Variants in NCAPH2 observed in about 807,000 individuals in gnomAD.
NCAPH2 encodes condensin-2 complex subunit H2.
Under a neutral mutation model 88.6 loss-of-function variants are expected in NCAPH2, and 56 were observed. The observed-to-expected ratio is 0.63, with a 90% CI of 0.51 to 0.79. NCAPH2 has a LOEUF of 0.79. Ranked by LOEUF, NCAPH2 falls within the 30% of genes least tolerant of loss-of-function variation. The probability of loss-of-function intolerance (pLI) is 0.00; values close to 1 mark genes in which losing one functional copy is unlikely to be tolerated. For synonymous variants in NCAPH2, 378 were observed against 313.6 expected, an observed-to-expected ratio of 1.21 and a Z score of -2.17; for missense variants, 794 against 792.0, an observed-to-expected ratio of 1.00 and a Z score of -0.03.
In NCAPH2 at chr22:50,508,518, G is replaced by A. The variant is rs965230234; in HGVS notation, c.108+73G>A. On this transcript the variant is annotated intron_variant, in intron 1 of 19. Transcript: ENST00000420993. ...GCGGGGCGGGGGCTCCGGGCCCGGG[G>A]CTGTGGGCGCCCCACCGTCTCCACG... 8 of 940,886 alleles carry A rather than the reference G, an allele frequency of 8.5e-6. 1 individual carries two copies. In the South Asian group the frequency reaches 1.6e-4, roughly 19 times the overall value. 58.3% of individuals were successfully genotyped at this position (940,886 alleles called of 1,614,324 possible). A position where few individuals can be genotyped will look rare whatever the true frequency, so the allele number is the denominator to read the frequency against.
intron 1 of NCAPH2, among the ~76,000 whole-genome samples, chr22:50,510,534 TCTC>T (rs918504759): frequency 1.3e-5 from 2 of 150,150 alleles, no homozygotes; most frequent in African/African-American, 2.5e-5. Context: ...TTCAAGCAAT[TCTC>T]CTGCCTTGGC....
rs1347043099 is a variant in NCAPH2 at position 50,522,033 on chromosome 22, T to G, written c.1156T>G (p.Phe386Val). ...GCGGCTTCGGCGAAAGGGTCCGTCC[T>G]TTGCAGGTGAGGCTGAAGTCCTCGG... ...SRRLRRKGPS[F>V]ADMEVLYWTH... Residue 386 changes from phenylalanine (F) to valine (V), a missense_variant, in exon 13 of 20, where the codon TTT (phenylalanine) becomes GTT (valine). Transcript: ENST00000420993. 6.2e-7 allele frequency: 1 copy of G among 1,614,046 alleles called. No homozygotes were observed. Among genetic ancestry groups the G allele is most frequent in the South Asian group, 1.1e-5 (1 of 91,086 alleles).
In NCAPH2 at chr22:50,518,265, A is replaced by G. The variant is rs768006797; in HGVS notation, c.633A>G (p.Pro211=). ...AACCAGCGGGCGTTTCCCCCATGCC[A>G]GGGACCCAGAAGGGTGAGGGCTTGG... ...PMEPAGVSPM[P]GTQKDTGRTE... is the part of the protein sequence containing the mutation. Residue 211 remains proline, a synonymous_variant, in exon 7 of 20, where the codon CCA becomes CCG. Transcript: ENST00000420993. 5 of 1,612,952 alleles carry G rather than the reference A, an allele frequency of 3.1e-6. No homozygotes were observed. In the Admixed American group the frequency reaches 6.7e-5, roughly 22 times the overall value.
chr22:50,523,678 C>A lies in NCAPH2; in HGVS notation c.*303C>A. 1 of 1,614,140 alleles carries A rather than the reference C, an allele frequency of 6.2e-7. No individual in the cohort carries two copies. Among genetic ancestry groups the A allele is most frequent in the East Asian group, 2.2e-5 (1 of 44,886 alleles). ...ACTGTCTGAGATCTGCTCAGCCGAT[C>A]TGCTCCGGCCGTAGTAATCCGTGAA... is the stretch of plus-strand genomic sequence containing the variant. On this transcript the variant is annotated 3_prime_UTR_variant, in exon 20 of 20. Transcript: ENST00000420993.
At position 50,521,671 on chromosome 22, in the gene NCAPH2, TGGG is replaced by T. The variant is rs544694738; in HGVS notation, c.1001-65_1001-63del. On this transcript the variant is annotated intron_variant, in intron 11 of 19. Transcript: ENST00000420993. ...TGGCTGGGTTTCCTGGGGCATGAGG[TGGG>T]GGGGTGGGAGTGGGCTTTGCACCCT... The T allele has an allele frequency of 3.7e-5, 58 of 1,550,358 alleles. No individual in the cohort carries two copies. The East Asian group carries it at 8.8e-4, about 23-fold the overall frequency.
At position 50,508,247 on chromosome 22, in the gene NCAPH2, A is replaced by G; in HGVS notation, c.-91A>G. On this transcript the variant is annotated 5_prime_UTR_variant, in exon 1 of 20. Transcript: ENST00000420993. Reference sequence around the variant, plus strand: ...ACGCATTTTCCTGGGCGGGAACAGCAAAATGGCGCCAGAACTAGTGGCGGG... The same window carrying G: ...ACGCATTTTCCTGGGCGGGAACAGCGAAATGGCGCCAGAACTAGTGGCGGG... 1 of 1,005,050 alleles carries G rather than the reference A, an allele frequency of 9.9e-7. No homozygotes were observed. The highest frequency in any genetic ancestry group is 1.7e-5 in the African/African-American group (1 of 57,420). The allele number at this position is 1,005,050 out of a possible 1,614,324, so 62.3% of individuals were successfully genotyped here. A position where few individuals can be genotyped will look rare whatever the true frequency, so the allele number is the denominator to read the frequency against.
chr22:50,521,372 C>T (rs1044402093), intron 10 of NCAPH2, among the ~76,000 whole-genome samples, 171 bp from the exon 11 acceptor site: 7 of 141,204 alleles, frequency 5.0e-5, no homozygotes, highest in Non-Finnish European at 8.9e-5. Flanking sequence ...CTGTGAACCC[C>T]CTACTCCTCC....
intron 1 of NCAPH2, among the ~76,000 whole-genome samples, chr22:50,514,066 C>T (rs1426982511): frequency 3.3e-5 from 5 of 152,082 alleles, no homozygotes; most frequent in African/African-American, 1.2e-4. Flanking sequence ...GAGATTGCGC[C>T]CCTGCATTCC....
chr22:50,516,610 C>T, intron 2 of NCAPH2, 62 bp downstream of exon 2: 1 of 1,490,320 alleles, frequency 6.7e-7, no homozygotes, highest in Non-Finnish European at 9.3e-7. Context: ...AGTCGGCTCT[C>T]CTTCTGGGGC....
chr22:50,512,543 G>GT lies in NCAPH2; in HGVS notation c.109-3891dup, dbSNP rs139798817. 3.2e-3 allele frequency among the ~76,000 whole-genome samples: 430 copies of GT among 132,786 alleles called. 1 individual carries two copies. Among genetic ancestry groups the GT allele is most frequent in the South Asian group, 0.02 (84 of 4,152 alleles). 87.1% of individuals were successfully genotyped at this position (132,786 alleles called of 152,430 possible). ...GTTCTTTTTCTTTTTTTTGTCCTTT[G>GT]TTTTTTTTTTTTTGTTTTTTTTTTT... On this transcript the variant is annotated intron_variant, in intron 1 of 19. Coordinates refer to ENST00000420993, the MANE Select transcript of NCAPH2 (RefSeq NM_152299.4).
intron 1 of NCAPH2, among the ~76,000 whole-genome samples, chr22:50,510,819 C>T (rs983953751): frequency 6.6e-6 from 1 of 151,878 alleles, no homozygotes; most frequent in Non-Finnish European, 1.5e-5. Context: ...GCACCTTACA[C>T]ACTTTAGAAT....
chr22:50,519,091 G>A (rs3091397), intron 8 of NCAPH2, 99 bp from the exon 9 acceptor site: 949,192 of 1,209,032 alleles, frequency 0.79, 374,358 homozygotes, highest in East Asian at 0.96. Context: ...TCTGGGCTCC[G>A]TGACTAAAGC....
Position 50,521,416 on chromosome 22 carries a change from C to T in NCAPH2, c.934-127C>T, listed in dbSNP as rs184264534. On this transcript the variant is annotated intron_variant, in intron 10 of 19. Transcript: ENST00000420993. ...GGTGGCTGTGCACCCCCTACTCCTCCTTTGGGAGCGCGGCTGTGTACCCCC... is the reference window on the plus strand; with the variant it reads ...GGTGGCTGTGCACCCCCTACTCCTCTTTTGGGAGCGCGGCTGTGTACCCCC... The T allele has an allele frequency of 6.5e-3, 6,382 of 985,586 alleles. 37 individuals are homozygous for T. Among genetic ancestry groups the T allele is most frequent in the Non-Finnish European group, 8.8e-3 (5,582 of 632,910 alleles). 61.1% of individuals were successfully genotyped at this position (985,586 alleles called of 1,614,324 possible).
At chr22:50,517,373 CT>C in intron 2 of NCAPH2, 53 bp from the exon 3 acceptor site, 1 of 1,594,098 alleles carries the variant, frequency 6.3e-7, no homozygotes, top group Non-Finnish European at 8.6e-7. Context: ...CTGGGAAGGC[CT>C]TGGGGGTGGG....
intron 2 of NCAPH2, among the ~76,000 whole-genome samples, 192 bp downstream of exon 2, chr22:50,516,740 G>A (rs746143807): frequency 5.9e-5 from 9 of 152,212 alleles, no homozygotes; most frequent in Non-Finnish European, 1.3e-4. Context: ...GCCAGGCAGG[G>A]AGGGTCTTTT....
At position 50,518,207 on chromosome 22, in the gene NCAPH2, T is replaced by C; in HGVS notation, c.575T>C (p.Phe192Ser). The change falls in exon 7 of 20, where the codon TTC (phenylalanine) becomes TCC (serine). Residue 192 changes from phenylalanine to serine, a missense_variant. This residue lies in a region of NCAPH2 where 735 missense variants were observed against 696.3 expected (regional missense o/e 1.06). Coordinates refer to ENST00000420993, the MANE Select transcript of NCAPH2 (RefSeq NM_152299.4). ...TGCGTTCCCCACCCCAGAGGGGCCT[T>C]CATGTTGGAGCCAGAGGGCATGTCC... ...NTCVPHPRGA[F>S]MLEPEGMSPM... is the part of the protein sequence containing the mutation. 1 of 1,614,006 alleles carries C rather than the reference T, an allele frequency of 6.2e-7. No homozygotes were observed. Among genetic ancestry groups the C allele is most frequent in the Non-Finnish European group, 8.5e-7 (1 of 1,180,002 alleles).
Position 50,523,959 on chromosome 22 carries a change from C to T in NCAPH2, c.*584C>T, listed in dbSNP as rs1433924881. On this transcript the variant is annotated 3_prime_UTR_variant, in exon 20 of 20. Transcript: ENST00000420993. Reference sequence around the variant, plus strand: ...CTGGAGGCAAACCAGGCTCTGCTTCCAGCTGCCGCACCACCTGCACCAGCT... The same window carrying T: ...CTGGAGGCAAACCAGGCTCTGCTTCTAGCTGCCGCACCACCTGCACCAGCT... 4 of 1,612,356 alleles carry T rather than the reference C, an allele frequency of 2.5e-6. No individual in the cohort carries two copies. In the African/African-American group the frequency reaches 4.0e-5, roughly 16 times the overall value.
In NCAPH2 at chr22:50,524,065, T is replaced by A. The variant is rs761748851; in HGVS notation, c.*690T>A. On this transcript the variant is annotated 3_prime_UTR_variant, in exon 20 of 20. Transcript: ENST00000420993. ...CACCCACTGGCCCCGGAAGTCAGCC[T>A]TGCAGCGAGCCCGGCCTCTGTGATC... 6.2e-7 allele frequency: 1 copy of A among 1,613,290 alleles called. No homozygotes were observed. The highest frequency in any genetic ancestry group is 8.5e-7 in the Non-Finnish European group (1 of 1,180,010).
chr22:50,520,906 T>C, intron 9 of NCAPH2, 59 bp from the exon 10 acceptor site: 1 of 1,538,138 alleles, frequency 6.5e-7, no homozygotes, highest in African/African-American at 1.4e-5. Context: ...GTTCCTGGGG[T>C]ACCCAGAGCC....
Sources: gnomAD v4.1 joint callset for allele counts (sites outside exome capture counted in the v4.1 genomes callset) on GRCh38, gnomAD v4.1.1 for gene constraint, gnomAD v4.1.1 regional missense constraint, MANE v1.5 for transcripts, NCBI Gene and HGNC (gene_info 2026-07-23, HGNC 2026-07-21) for gene names.